HECTD4: variants seen among roughly 807,000 people sequenced by gnomAD.
The protein encoded by HECTD4 is probable E3 ubiquitin-protein ligase HECTD4.
HECTD4 carries 114 observed loss-of-function variants against 471.5 expected under a neutral mutation model. That is an observed-to-expected ratio of 0.24 (90% CI 0.21 to 0.28). The LOEUF (loss-of-function observed/expected upper bound fraction) is 0.28, where lower values mean the gene tolerates loss of function less well. HECTD4 is among the 10% of genes least tolerant of loss of function. The pLI is 1.00. For missense variants in HECTD4, 3,866 were observed against 5,651.5 expected (o/e 0.68, Z 10.13); for synonymous variants, 2,012 against 2,256.0 (o/e 0.89, Z 3.07).
At chr12:112,306,826 A>G (rs917767587) in intron 6 of HECTD4, among the ~76,000 whole-genome samples, 4 of 152,236 alleles carry the variant, frequency 2.6e-5, no homozygotes, top group Middle Eastern at 3.2e-3. Context: ...ATCCTAACTT[A>G]GCATATGAGG....
rs371824366 is a variant in HECTD4, at chr12:112,231,944, T to C, written c.5998-229A>G. Among the ~76,000 whole-genome samples, 4 of 152,268 alleles carry C rather than the reference T, an allele frequency of 2.6e-5. No homozygotes were observed. The East Asian group carries it at 5.8e-4, about 22-fold the overall frequency. On this transcript the variant is annotated intron_variant, in intron 38 of 75. Coordinates refer to ENST00000682272, the MANE Select transcript of HECTD4 (RefSeq NM_001388303.1). ...TTCTGTGCAAATTCTGGCATACGTA[T>C]CACAGGGCCCCGACACAGACTGCAT...
At chr12:112,260,306 G>A (rs71465833) in intron 18 of HECTD4, among the ~76,000 whole-genome samples, 1 of 152,226 alleles carries the variant, frequency 6.6e-6, no homozygotes, top group Admixed American at 6.5e-5. Flanking sequence ...AGGCTACTTA[G>A]GATATTGGTA....
chr12:112,164,292 G>A lies in HECTD4; in HGVS notation c.12535-17C>T. 1 of 1,604,198 alleles carries A rather than the reference G, an allele frequency of 6.2e-7. No individual in the cohort carries two copies. Among genetic ancestry groups the A allele is most frequent in the African/African-American group, 1.3e-5 (1 of 74,888 alleles). ...ATCATTGATCTGGAGGGTGGAGGCA[G>A]AGCGAGGCTCATTATGAGGCCATGG... is the stretch of plus-strand genomic sequence containing the variant. On this transcript the variant is annotated splice_polypyrimidine_tract_variant and intron_variant, in intron 72 of 75. Coordinates refer to ENST00000682272, the MANE Select transcript of HECTD4 (RefSeq NM_001388303.1).
intron 1 of HECTD4, among the ~76,000 whole-genome samples, chr12:112,339,585 T>G (rs961257328): frequency 3.0e-4 from 46 of 151,120 alleles, no homozygotes; most frequent in African/African-American, 1.0e-3. Context: ...AAATAAGGGG[T>G]GTGTGTGTGT....
intron 18 of HECTD4, among the ~76,000 whole-genome samples, chr12:112,259,697 T>C (rs561421585): frequency 3.3e-5 from 5 of 152,156 alleles, no homozygotes; most frequent in African/African-American, 1.2e-4. Flanking sequence ...TCTAGGTTGC[T>C]ACATGGTGCA....
chr12:112,167,096 C>A, intron 72 of HECTD4: 1 of 458,618 alleles, frequency 2.2e-6, no homozygotes, highest in East Asian at 3.6e-5. Flanking sequence ...GCCAGCAGGG[C>A]TGGTCATGTC....
intron 7 of HECTD4, among the ~76,000 whole-genome samples, chr12:112,303,922 ACT>A (rs985385690): frequency 6.6e-5 from 10 of 151,858 alleles, no homozygotes; most frequent in Non-Finnish European, 1.3e-4. Context: ...ATTGAGACAA[ACT>A]CTCATCTATC....
At chr12:112,349,315 G>A (rs1034756541) in intron 1 of HECTD4, among the ~76,000 whole-genome samples, 6 of 148,968 alleles carry the variant, frequency 4.0e-5, no homozygotes, top group African/African-American at 7.4e-5. Context: ...CTTGAACCCA[G>A]GAGGCAGAGG....
Position 112,172,788 on chromosome 12 carries a change from C to T in HECTD4, c.11668G>A (p.Val3890Met). ...KWTLEMDVAL[V>M]QYINQLCRHL... ...CGGCATAGCTGGTTGATGTACTGCA[C>T]AAGTGCCACGTCCATCTCCAGGGTC... Residue 3890 changes from valine (V) to methionine (M), a missense_variant, in exon 67 of 76, where the codon GTG becomes ATG. By Grantham distance (21) the Val-to-Met change is conservative. This residue lies in a region of HECTD4 where 715 missense variants were observed against 1,087.6 expected (regional missense o/e 0.66). Coordinates refer to ENST00000682272, the MANE Select transcript of HECTD4 (RefSeq NM_001388303.1). 3 of 1,613,994 alleles carry T rather than the reference C, an allele frequency of 1.9e-6. No homozygotes were observed. The highest frequency in any genetic ancestry group is 1.7e-6 in the Non-Finnish European group (2 of 1,179,894).
In HECTD4 at chr12:112,183,235, C is replaced by G; in HGVS notation, c.10811G>C (p.Arg3604Pro). Residue 3604 changes from arginine (R) to proline (P), a missense_variant, in exon 62 of 76, where the codon CGA (arginine) becomes CCA (proline). This residue lies in a region of HECTD4 where 715 missense variants were observed against 1,087.6 expected (regional missense o/e 0.66). Coordinates refer to ENST00000682272, the MANE Select transcript of HECTD4 (RefSeq NM_001388303.1). The stretch of plus-strand genomic sequence containing the variant: ...GTCATTATTGTTAAATAAACTTGCT[C>G]GAATTTTCTCAATTTTGGCTCGGGA... ...IRSRAKIEKI[R>P]ASLFNNNDLI... 1 of 1,613,812 alleles carries G rather than the reference C, an allele frequency of 6.2e-7. No homozygotes were observed. Among genetic ancestry groups the G allele is most frequent in the Non-Finnish European group, 8.5e-7 (1 of 1,179,870 alleles).
At chr12:112,344,525 A>C (rs1329512965) in intron 1 of HECTD4, among the ~76,000 whole-genome samples, 1 of 152,242 alleles carries the variant, frequency 6.6e-6, no homozygotes, top group Non-Finnish European at 1.5e-5. Flanking sequence ...GCAGAGGCAC[A>C]TAAGTATGAA....
intron 67 of HECTD4, 162 bp from the exon 68 acceptor site, chr12:112,171,425 G>T (rs1372766229): frequency 1.7e-6 from 2 of 1,157,762 alleles, no homozygotes; most frequent in East Asian, 2.6e-5. Flanking sequence ...CAATGTGCCT[G>T]TGCCTATGCC....
chr12:112,269,803 T>C lies in HECTD4; in HGVS notation c.2222A>G (p.Asp741Gly). 1 of 1,613,962 alleles carries C rather than the reference T, an allele frequency of 6.2e-7. No homozygotes were observed. The highest frequency in any genetic ancestry group is 8.5e-7 in the Non-Finnish European group (1 of 1,179,830). Residue 741 changes from aspartate (D) to glycine (G), a missense_variant, in exon 13 of 76, where the codon GAC (aspartate) becomes GGC (glycine). Asp to Gly is a moderately conservative substitution (Grantham distance 94). This residue lies in a region of HECTD4 where 525 missense variants were observed against 672.6 expected (regional missense o/e 0.78). Transcript: ENST00000682272. ...AAGCAATCCCGACCGTCGAATGATG[T>C]CTCGATTCCTTTCAGTTTGTGGGCT... ...FFSPQTERNR[D>G]IIRRSGLLLW...
intron 62 of HECTD4, among the ~76,000 whole-genome samples, chr12:112,182,246 G>A (rs1178574968): frequency 6.6e-6 from 1 of 151,938 alleles, no homozygotes; most frequent in Non-Finnish European, 1.5e-5. Context: ...CTGGAGGACT[G>A]CTTGAGCCTA....
At chr12:112,211,390 A>C (rs2032755296) in intron 49 of HECTD4, among the ~76,000 whole-genome samples, 1 of 152,144 alleles carries the variant, frequency 6.6e-6, no homozygotes, top group African/African-American at 2.4e-5. Context: ...CTTGTAAGTC[A>C]TTATAAAGAC....
chr12:112,363,519 A>G (rs1211309268), intron 1 of HECTD4, among the ~76,000 whole-genome samples: 2 of 152,242 alleles, frequency 1.3e-5, no homozygotes, highest in African/African-American at 4.8e-5. Context: ...CTACTTGATC[A>G]TAGAACAACT....
Position 112,160,300 on chromosome 12 carries a change from C to T in HECTD4, c.*2087G>A, listed in dbSNP as rs2030647011. ...TGCTCAGCAAGAGTAGATGATCACA[C>T]AACTCTTAAGGTAAATCAAAATTAG... On this transcript the variant is annotated 3_prime_UTR_variant, in exon 76 of 76. Coordinates refer to ENST00000682272, the MANE Select transcript of HECTD4 (RefSeq NM_001388303.1). 1 of 152,116 alleles carries T rather than the reference C, an allele frequency of 6.6e-6. No individual in the cohort carries two copies. The highest frequency in any genetic ancestry group is 2.4e-5 in the African/African-American group (1 of 41,442). The allele number at this position is 152,116 out of a possible 1,614,324, so 9.4% of individuals were successfully genotyped here.
Position 112,265,888 on chromosome 12 carries a change from C to T in HECTD4, c.2488G>A (p.Asp830Asn). The T allele has an allele frequency of 6.2e-7, 1 of 1,612,952 alleles. No homozygotes were observed. ...QNNRFGSDEDDHYRLNDELLH... is the reference protein window; with the variant it reads ...QNNRFGSDEDNHYRLNDELLH... ...TATAACTGGTGTCACCTGTAATGATCATCCTCATCACTGCCAAATCGGTTG... is the reference window on the plus strand; with the variant it reads ...TATAACTGGTGTCACCTGTAATGATTATCCTCATCACTGCCAAATCGGTTG... The change falls in exon 15 of 76, where the codon GAT becomes AAT. Residue 830 changes from aspartate (D) to asparagine (N), a missense_variant. Transcript: ENST00000682272.
chr12:112,355,783 A>G, intron 1 of HECTD4, among the ~76,000 whole-genome samples: 1 of 152,328 alleles, frequency 6.6e-6, no homozygotes, highest in East Asian at 1.9e-4. Flanking sequence ...AAAAATAAAA[A>G]TAAAAATAAA....
Sources: allele counts gnomAD v4.1 joint callset (sites outside exome capture counted in the v4.1 genomes callset), GRCh38; gene constraint gnomAD v4.1.1; regional missense constraint gnomAD v4.1.1; transcripts MANE v1.5; gene names NCBI Gene and HGNC (gene_info 2026-07-23, HGNC 2026-07-21).